Variants in RGS10 observed in about 807,000 individuals in gnomAD.
The protein encoded by RGS10 is regulator of G-protein signalling 10.
Under a neutral mutation model 23.5 loss-of-function variants are expected in RGS10, and 11 were observed. That is an observed-to-expected ratio of 0.47 (90% CI 0.29 to 0.77). The LOEUF is 0.77. RGS10 is among the 30% of genes least tolerant of loss of function. The pLI is 0.08. For synonymous variants in RGS10, 77 were observed against 83.2 expected (o/e 0.92, Z 0.41); for missense variants, 180 against 226.3 (o/e 0.80, Z 1.31).
At chr10:119,519,483 G>A (rs1844187099) in intron 3 of RGS10, among the ~76,000 whole-genome samples, 1 of 123,224 alleles carries the variant, frequency 8.1e-6, no homozygotes, top group Admixed American at 9.1e-5. Context: ...CCCAGCTCCT[G>A]TCTCCCTGTC....
chr10:119,511,491 C>A (rs866770373), intron 4 of RGS10, among the ~76,000 whole-genome samples: 1 of 152,042 alleles, frequency 6.6e-6, no homozygotes, highest in Non-Finnish European at 1.5e-5. Context: ...TGGTGACATA[C>A]GCCTGTAATC....
At chr10:119,534,231 GAGCA>G (rs956848900) in intron 1 of RGS10, among the ~76,000 whole-genome samples, 23 of 149,346 alleles carry the variant, frequency 1.5e-4, no homozygotes, top group African/African-American at 4.7e-4. Flanking sequence ...ACTCCAGCCT[GAGCA>G]ACAAAACAAG....
chr10:119,517,468 T>TC lies in RGS10; in HGVS notation c.256-1817dup, dbSNP rs1844159888. ...CTTAGGAGCTGGCCCTGCTGTCCTC[T>TC]CCAAGACCCACCAGCTCCATGAAGC... On this transcript the variant is annotated intron_variant, in intron 3 of 4. Transcript: ENST00000369103. This position sits in a 1 kb window ranked among gnomAD's most constrained non-coding sequence, Gnocchi z 5.0. 1.3e-5 allele frequency among the ~76,000 whole-genome samples: 2 copies of TC among 152,104 alleles called. No individual in the cohort carries two copies. Among genetic ancestry groups the TC allele is most frequent in the Non-Finnish European group, 2.9e-5 (2 of 68,008 alleles).
At chr10:119,522,441 G>T (rs1966241) in intron 3 of RGS10, among the ~76,000 whole-genome samples, 5 of 152,156 alleles carry the variant, frequency 3.3e-5, no homozygotes, top group African/African-American at 1.2e-4. Context: ...AGAACTGGCC[G>T]GGCGCGGTGG....
At chr10:119,506,356 C>T (rs903910890) in intron 4 of RGS10, among the ~76,000 whole-genome samples, 1 of 152,236 alleles carries the variant, frequency 6.6e-6, no homozygotes, top group Non-Finnish European at 1.5e-5. Flanking sequence ...AAGGCTCTGT[C>T]GCCTTGCACG....
intron 3 of RGS10, among the ~76,000 whole-genome samples, chr10:119,522,390 G>T (rs1479928553): frequency 6.6e-6 from 1 of 152,180 alleles, no homozygotes; most frequent in Non-Finnish European, 1.5e-5. Flanking sequence ...AAGTTTGACT[G>T]TGAAATCCAG....
intron 4 of RGS10, among the ~76,000 whole-genome samples, chr10:119,512,140 G>A (rs77295494): frequency 3.7e-5 from 5 of 134,900 alleles, no homozygotes; most frequent in African/African-American, 1.2e-4. Flanking sequence ...GTGGTGATGA[G>A]GGGCTAAGTT....
chr10:119,503,053 G>A (rs1016744613), intron 4 of RGS10, among the ~76,000 whole-genome samples: 2 of 152,140 alleles, frequency 1.3e-5, no homozygotes, highest in East Asian at 1.9e-4. Context: ...CTCCTGGGAC[G>A]GGGCTCAGCA....
At chr10:119,539,842 G>A (rs762467031) in intron 1 of RGS10, among the ~76,000 whole-genome samples, 4 of 152,110 alleles carry the variant, frequency 2.6e-5, no homozygotes, top group South Asian at 2.1e-4. Flanking sequence ...GGTACTGGGG[G>A]AGGCAGGACC....
Position 119,515,628 on chromosome 10 carries a change from A to T in RGS10, c.280T>A (p.Tyr94Asn). 1 of 1,614,152 alleles carries T rather than the reference A, an allele frequency of 6.2e-7. No individual in the cohort carries two copies. Among genetic ancestry groups the T allele is most frequent in the Non-Finnish European group, 8.5e-7 (1 of 1,180,016 alleles). Reference protein sequence around the residue: ...TQMQEKAKEIYMTFLSSKASS... With the variant: ...TQMQEKAKEINMTFLSSKASS... ...GCCTTGCTGGACAGAAAGGTCATGTAGATCTCCTTTGCCTTTTCCTGCATC... is the reference window on the plus strand; with the variant it reads ...GCCTTGCTGGACAGAAAGGTCATGTTGATCTCCTTTGCCTTTTCCTGCATC... Residue 94 changes from tyrosine (Y) to asparagine (N), a missense_variant, in exon 4 of 5, where the codon TAC (tyrosine) becomes AAC (asparagine). Transcript: ENST00000369103.
chr10:119,541,926 G>A (rs916832837), intron 1 of RGS10, among the ~76,000 whole-genome samples: 11 of 152,228 alleles, frequency 7.2e-5, no homozygotes, highest in African/African-American at 2.2e-4. Context: ...CAAGGGCACG[G>A]CTCCACCTTC....
chr10:119,542,452 G>A, intron 1 of RGS10, 138 bp downstream of exon 1: 2 of 654,090 alleles, frequency 3.1e-6, no homozygotes, highest in Non-Finnish European at 4.5e-6. Flanking sequence ...ACCCAGCGGG[G>A]AGAGGTGGTG....
Position 119,517,564 on chromosome 10 carries a change from G to A in RGS10, c.256-1912C>T, listed in dbSNP as rs1844160889. On this transcript the variant is annotated intron_variant, in intron 3 of 4. Transcript: ENST00000369103. The surrounding 1 kb of genome is among the most constrained non-coding windows in gnomAD (Gnocchi z 5.0). ...TTGGAAAACCACTTCCTGTTTTAAA[G>A]CCACTTCATGAAAGGAGAATTTCGG... 6.6e-6 allele frequency among the ~76,000 whole-genome samples: 1 copy of A among 152,186 alleles called. No individual in the cohort carries two copies. Among genetic ancestry groups the A allele is most frequent in the Admixed American group, 6.5e-5 (1 of 15,278 alleles).
chr10:119,508,154 T>C (rs1262652362), intron 4 of RGS10, among the ~76,000 whole-genome samples: 1 of 152,036 alleles, frequency 6.6e-6, no homozygotes, highest in Non-Finnish European at 1.5e-5. Flanking sequence ...TGCACCACCA[T>C]GTCCGGCTAA....
chr10:119,534,382 G>C (rs1326610789), intron 1 of RGS10, among the ~76,000 whole-genome samples: 3 of 139,088 alleles, frequency 2.2e-5, no homozygotes, highest in Admixed American at 7.2e-5. Flanking sequence ...CACGAGGTCA[G>C]GAGTTCAAGA....
Position 119,542,669 on chromosome 10 carries a change from C to T in RGS10, c.-31G>A. ...CGGGCGCCCGAGGAGGAAGAAGGAG[C>T]AGCCCGGCGGCGCGGCGGCTGAGCC... is the stretch of plus-strand genomic sequence containing the variant. On this transcript the variant is annotated 5_prime_UTR_variant, in exon 1 of 5. Transcript: ENST00000369103. The T allele has an allele frequency of 3.0e-6, 4 of 1,354,494 alleles. No homozygotes were observed. The highest frequency in any genetic ancestry group is 3.1e-5 in the East Asian group (1 of 32,218). The allele number at this position is 1,354,494 out of a possible 1,614,324, so 83.9% of individuals were successfully genotyped here. A position where few individuals can be genotyped will look rare whatever the true frequency, so the allele number is the denominator to read the frequency against.
At chr10:119,504,452 A>T (rs1843987217) in intron 4 of RGS10, among the ~76,000 whole-genome samples, 1 of 152,224 alleles carries the variant, frequency 6.6e-6, no homozygotes. Context: ...CCGGGATTAC[A>T]GGCATGAGCC....
rs773424007 is a variant in RGS10, at chr10:119,536,432, G to T, written c.49+6158C>A. The T allele has an allele frequency of 1.9e-6, 3 of 1,606,450 alleles. No individual in the cohort carries two copies. In the African/African-American group the frequency reaches 4.0e-5, roughly 21 times the overall value. ...AGGGCCAAGGCGACAGGCAAACTGC[G>T]GACATGGAAAGGGGTGGGGGCGATT... On this transcript the variant is annotated intron_variant, in intron 1 of 4. Transcript: ENST00000369103.
At chr10:119,521,618 GAAGGAAAGA>G (rs200082494) in intron 3 of RGS10, among the ~76,000 whole-genome samples, 10 of 47,566 alleles carry the variant, frequency 2.1e-4, no homozygotes, top group South Asian at 8.7e-4. Flanking sequence ...AGAAAGGAAG[GAAGGAAAGA>G]AAGGAAGGAA....
Sources: allele counts gnomAD v4.1 joint callset (sites outside exome capture counted in the v4.1 genomes callset), GRCh38; gene constraint gnomAD v4.1.1; non-coding constraint Gnocchi (gnomAD v3.1); transcripts MANE v1.5; gene names NCBI Gene and HGNC (gene_info 2026-07-23, HGNC 2026-07-21).